Variants in ELF2 observed in about 807,000 individuals in gnomAD.
The protein encoded by ELF2 is ETS-related transcription factor Elf-2.
In ELF2, 11 loss-of-function variants were observed where a neutral mutation model predicts 54.8. That is an observed-to-expected ratio of 0.20 (90% CI 0.13 to 0.33). The LOEUF is 0.33. Ranked by LOEUF, ELF2 falls within the 10% of genes least tolerant of loss-of-function variation. The probability of loss-of-function intolerance (pLI) is 1.00; values close to 1 mark genes in which losing one functional copy is unlikely to be tolerated. For synonymous variants in ELF2, 203 were observed against 245.1 expected, an observed-to-expected ratio of 0.83 and a Z score of 1.61; for missense variants, 513 against 703.0, an observed-to-expected ratio of 0.73 and a Z score of 3.06.
chr4:139,069,112 G>A (rs2148685074), intron 6 of ELF2, among the ~76,000 whole-genome samples: 1 of 151,998 alleles, frequency 6.6e-6, no homozygotes, highest in South Asian at 2.1e-4. Context: ...CAGGAAATCT[G>A]CCCGCCTCAG....
At chr4:139,114,596 C>CACACACACACACACACACACA (rs1560826314) in intron 4 of ELF2, among the ~76,000 whole-genome samples, 1 of 146,852 alleles carries the variant, frequency 6.8e-6, no homozygotes, top group Non-Finnish European at 1.5e-5. Flanking sequence ...CACACACACA[C>CACACACACACACACACACACA]AATTTAGGAG....
At chr4:139,158,354 T>G (rs1436442902) in intron 1 of ELF2, among the ~76,000 whole-genome samples, 1 of 152,188 alleles carries the variant, frequency 6.6e-6, no homozygotes, top group Non-Finnish European at 1.5e-5. Flanking sequence ...TGGCTTAGCT[T>G]GGACTCAGAG....
At chr4:139,162,011 T>C (rs1022796946) in intron 1 of ELF2, among the ~76,000 whole-genome samples, 3 of 152,090 alleles carry the variant, frequency 2.0e-5, no homozygotes, top group Non-Finnish European at 2.9e-5. Context: ...GGAGAATCGC[T>C]TGAACCCGGG....
At chr4:139,157,623 G>C (rs991781881) in intron 1 of ELF2, among the ~76,000 whole-genome samples, 64 of 152,070 alleles carry the variant, frequency 4.2e-4, no homozygotes, top group African/African-American at 1.4e-3. Context: ...AGGCAGGTCT[G>C]AAACTCCTGG....
At position 139,059,418 on chromosome 4, in the gene ELF2, T is replaced by C; in HGVS notation, c.1347A>G (p.Gly449=). The change falls in exon 10 of 10, where the codon GGA becomes GGG. Residue 449 remains glycine (G), a synonymous_variant. Coordinates refer to ENST00000686138, the MANE Select transcript of ELF2 (RefSeq NM_001331036.3). ...TGGCAGGCTGCATGGTGATTTTGTC[T>C]CCATTTTCAGTAGAAGCTGGCATCA... is the stretch of plus-strand genomic sequence containing the variant. ...PTVMPASTEN[G]DKITMQPAKI... The C allele has an allele frequency of 1.9e-6, 3 of 1,613,986 alleles. No homozygotes were observed. Among genetic ancestry groups the C allele is most frequent in the African/African-American group, 2.7e-5 (2 of 75,046 alleles).
intron 3 of ELF2, among the ~76,000 whole-genome samples, chr4:139,129,258 T>G (rs1352957501): frequency 6.6e-6 from 1 of 152,140 alleles, no homozygotes; most frequent in African/African-American, 2.4e-5. Flanking sequence ...CTTTCAAGCG[T>G]CTCCTCTGAC....
intron 4 of ELF2, among the ~76,000 whole-genome samples, chr4:139,110,364 GACAAAATGTTTGAGAAT>G (rs1734840350): frequency 6.6e-6 from 1 of 152,086 alleles, no homozygotes; most frequent in Admixed American, 6.6e-5. Flanking sequence ...GCTATCCAGG[GACAAAATGTTTGAGAAT>G]GGCCATGGAA....
intron 1 of ELF2, among the ~76,000 whole-genome samples, chr4:139,152,392 T>C (rs1740093444): frequency 6.6e-6 from 1 of 151,882 alleles, no homozygotes; most frequent in African/African-American, 2.4e-5. Context: ...TGGAATGCAA[T>C]GGCTCAATCA....
chr4:139,177,370 G>GGGGGGC (rs1743081156), upstream of ELF2, among the ~76,000 whole-genome samples: 2 of 151,826 alleles, frequency 1.3e-5, no homozygotes, highest in Non-Finnish European at 2.9e-5. Context: ...CCACGCGGCG[G>GGGGGGC]GGGGGCGGGG....
At chr4:139,064,646 G>C (rs187518362) in intron 7 of ELF2, among the ~76,000 whole-genome samples, 1 of 152,114 alleles carries the variant, frequency 6.6e-6, no homozygotes, top group Non-Finnish European at 1.5e-5. Flanking sequence ...TTGGGAGGCC[G>C]TGGCGGGCGG....
At chr4:139,084,466 G>A (rs1731728090) in intron 4 of ELF2, 6 of 1,046,640 alleles carry the variant, frequency 5.7e-6, no homozygotes, top group Non-Finnish European at 5.9e-6. Context: ...CGGCGGCTGT[G>A]GCTGTGGCGG....
intron 1 of ELF2, among the ~76,000 whole-genome samples, chr4:139,151,066 AAGAAAGAAAGAAAGAAAGAAAG>A (rs1204625015): frequency 6.8e-6 from 1 of 147,766 alleles, no homozygotes; most frequent in Non-Finnish European, 1.5e-5. Context: ...GAAAGAAAGA[AAGAAAGAAAGAAAGAAAGAAAG>A]AAAGAAAAAG....
chr4:139,177,617 C>T (rs549709057), upstream of ELF2, among the ~76,000 whole-genome samples: 30 of 152,272 alleles, frequency 2.0e-4, no homozygotes, highest in Admixed American at 1.9e-3. Flanking sequence ...ACTCCAGCCC[C>T]GGATTGGTGC....
At chr4:139,087,590 C>T (rs1026644459) in intron 4 of ELF2, among the ~76,000 whole-genome samples, 2 of 152,132 alleles carry the variant, frequency 1.3e-5, no homozygotes, top group Admixed American at 6.5e-5. Context: ...CTCAGCCTCC[C>T]GAGTAGCTGG....
At chr4:139,168,093 C>T (rs1741903688) in intron 1 of ELF2, among the ~76,000 whole-genome samples, 1 of 152,144 alleles carries the variant, frequency 6.6e-6, no homozygotes, top group African/African-American at 2.4e-5. Context: ...TATGGAATGC[C>T]GAATGATAAC....
At chr4:139,114,559 T>TCA (rs1410927721) in intron 4 of ELF2, among the ~76,000 whole-genome samples, 1 of 27,570 alleles carries the variant, frequency 3.6e-5, no homozygotes, top group African/African-American at 1.1e-4. Flanking sequence ...GAGACTTCAG[T>TCA]CTCACACACA....
chr4:139,169,004 T>TA (rs1223496480), intron 1 of ELF2, among the ~76,000 whole-genome samples: 1 of 151,092 alleles, frequency 6.6e-6, no homozygotes, highest in African/African-American at 2.4e-5. Context: ...AATACCTGAT[T>TA]AAAAAAAAAT....
chr4:139,073,584 TTCTAC>T lies in ELF2; in HGVS notation c.239-22_239-18del, dbSNP rs1465942774. 6.8e-7 allele frequency: 1 copy of T among 1,464,610 alleles called. No homozygotes were observed. Among genetic ancestry groups the T allele is most frequent in the South Asian group, 1.4e-5 (1 of 71,054 alleles). The allele number at this position is 1,464,610 out of a possible 1,614,324, so 90.7% of individuals were successfully genotyped here. On this transcript the variant is annotated intron_variant, in intron 4 of 9. Coordinates refer to ENST00000686138, the MANE Select transcript of ELF2 (RefSeq NM_001331036.3). Reference sequence around the variant, plus strand: ...ATGCTTCCACTGGAGGAAAAATAAGTTCTACTCAATTAAAAATACACTAAACACAT... The same window carrying T: ...ATGCTTCCACTGGAGGAAAAATAAGTTCAATTAAAAATACACTAAACACAT...
intron 3 of ELF2, among the ~76,000 whole-genome samples, chr4:139,135,237 A>ATATGTGTGTGTGTG (rs1350223045): frequency 1.8e-5 from 2 of 112,398 alleles, no homozygotes; most frequent in African/African-American, 6.0e-5. Flanking sequence ...TACTATATAT[A>ATATGTGTGTGTGTG]TGTGTGTGTG....
Sources: allele counts gnomAD v4.1 joint callset (sites outside exome capture counted in the v4.1 genomes callset), GRCh38; gene constraint gnomAD v4.1.1; transcripts MANE v1.5; gene names NCBI Gene and HGNC (gene_info 2026-07-23, HGNC 2026-07-21).